The following ANOS1 variants were observed in gnomAD, a reference collection of about 807,000 sequenced individuals.
ANOS1 encodes anosmin-1.
A neutral mutation model predicts 59.0 loss-of-function variants in ANOS1; 6 were observed. That is an observed-to-expected ratio of 0.10 (90% CI 0.06 to 0.20). ANOS1 has a LOEUF of 0.20. Ranked by LOEUF, ANOS1 falls within the 10% of genes least tolerant of loss-of-function variation. The probability of loss-of-function intolerance (pLI) is 1.00; values close to 1 mark genes in which losing one functional copy is unlikely to be tolerated. For missense variants in ANOS1, 433 were observed against 542.3 expected (o/e 0.80, Z 2.00); for synonymous variants, 217 against 223.4 (o/e 0.97, Z 0.25).
At chrX:8,649,767 C>T (rs1931820674) in intron 2 of ANOS1, among the ~76,000 whole-genome samples, 2 of 111,702 alleles carry the variant, frequency 1.8e-5, no homozygotes, top group Admixed American at 9.5e-5. Context: ...CAAGTCCCAT[C>T]CACTTCTCAG....
At chrX:8,643,563 T>C (rs1440428948) in intron 2 of ANOS1, among the ~76,000 whole-genome samples, 1 of 111,650 alleles carries the variant, frequency 9.0e-6, no homozygotes, top group Non-Finnish European at 1.9e-5. Context: ...AGGAAGAAAA[T>C]CAAAATATTT....
chrX:8,590,243 G>C (rs781303199), intron 4 of ANOS1, among the ~76,000 whole-genome samples: 2 of 111,623 alleles, frequency 1.8e-5, no homozygotes, highest in South Asian at 7.5e-4. Context: ...TCTATCTCCT[G>C]GTACATCTTT....
At chrX:8,591,359 A>G (rs1473345799) in intron 4 of ANOS1, among the ~76,000 whole-genome samples, 2 of 111,651 alleles carry the variant, frequency 1.8e-5, no homozygotes, top group Non-Finnish European at 3.8e-5. Flanking sequence ...AAACTCATAG[A>G]GCACATTCTC....
At chrX:8,694,165 C>A (rs774404500) in intron 2 of ANOS1, among the ~76,000 whole-genome samples, 49 of 111,901 alleles carry the variant, frequency 4.4e-4, no homozygotes, top group Non-Finnish European at 8.3e-4. Context: ...ATAGTAGATG[C>A]TCAGTGAGTA....
At chrX:8,635,425 G>A (rs1224542081) in intron 2 of ANOS1, among the ~76,000 whole-genome samples, 1 of 111,667 alleles carries the variant, frequency 9.0e-6, no homozygotes, top group Non-Finnish European at 1.9e-5. Context: ...AAAGTCCAAT[G>A]AAGGAAAACT....
intron 9 of ANOS1, among the ~76,000 whole-genome samples, chrX:8,542,778 G>A (rs1277506495): frequency 9.1e-6 from 1 of 109,758 alleles, no homozygotes; most frequent in African/African-American, 3.3e-5. Context: ...CTTGCACTCT[G>A]CTTCCCTATT....
chrX:8,709,718 G>T (rs983848615), intron 1 of ANOS1, among the ~76,000 whole-genome samples: 4 of 111,846 alleles, frequency 3.6e-5, no homozygotes, highest in African/African-American at 1.3e-4. Context: ...TGTAGGTGTT[G>T]TGTTCTTAAT....
intron 8 of ANOS1, among the ~76,000 whole-genome samples, chrX:8,567,007 C>A (rs987186775): frequency 8.9e-6 from 1 of 111,739 alleles, no homozygotes; most frequent in Non-Finnish European, 1.9e-5. Context: ...CCTAAAAAAT[C>A]AACATCGGAG....
intron 2 of ANOS1, among the ~76,000 whole-genome samples, chrX:8,642,966 T>C (rs886248592): frequency 2.8e-4 from 31 of 112,587 alleles, no homozygotes; most frequent in African/African-American, 8.7e-4. Flanking sequence ...GAACTTTCAA[T>C]GCCTCCTCTT....
chrX:8,634,006 C>T (rs944549785), intron 2 of ANOS1, among the ~76,000 whole-genome samples: 1 of 111,300 alleles, frequency 9.0e-6, no homozygotes, highest in South Asian at 3.8e-4. Flanking sequence ...AAATATAAAC[C>T]GTAGATTAGA....
intron 5 of ANOS1, among the ~76,000 whole-genome samples, chrX:8,587,334 A>G (rs1439937218): frequency 1.8e-5 from 2 of 111,816 alleles, no homozygotes; most frequent in Non-Finnish European, 3.8e-5. Flanking sequence ...GCTATGTCCC[A>G]CTAAGTAATT....
intron 5 of ANOS1, among the ~76,000 whole-genome samples, chrX:8,587,131 T>TG (rs749868928): frequency 0.058 from 5,508 of 95,086 alleles, 170 homozygotes; most frequent in Admixed American, 0.11. Context: ...TGTGTGTGTG[T>TG]GTGGGGGGGT....
At chrX:8,592,498 T>G (rs911488549) in intron 4 of ANOS1, among the ~76,000 whole-genome samples, 4 of 112,140 alleles carry the variant, frequency 3.6e-5, no homozygotes, top group Non-Finnish European at 7.5e-5. Flanking sequence ...TCTTTACGTT[T>G]GTAAAATTTT....
At chrX:8,667,341 T>C (rs144754250) in intron 2 of ANOS1, among the ~76,000 whole-genome samples, 1,578 of 110,503 alleles carry the variant, frequency 0.014, 31 homozygotes, top group African/African-American at 0.049. Context: ...TTGGTTGTTT[T>C]CTTGAGACAG....
chrX:8,663,070 G>A (rs1318965426), intron 2 of ANOS1, among the ~76,000 whole-genome samples: 3 of 111,365 alleles, frequency 2.7e-5, no homozygotes, highest in Non-Finnish European at 5.7e-5. Flanking sequence ...GGAGACATAG[G>A]AAGAACATCT....
chrX:8,571,793 G>C (rs899727498), intron 6 of ANOS1, among the ~76,000 whole-genome samples: 1 of 111,892 alleles, frequency 8.9e-6, no homozygotes, highest in Non-Finnish European at 1.9e-5. Context: ...TTTACAGAGG[G>C]TTTCATTTCA....
chrX:8,667,106 C>G (rs759455484), intron 2 of ANOS1, among the ~76,000 whole-genome samples: 1 of 111,621 alleles, frequency 9.0e-6, no homozygotes, highest in Non-Finnish European at 1.9e-5. Context: ...CCTCCTGATG[C>G]TTTCACCCAA....
intron 13 of ANOS1, among the ~76,000 whole-genome samples, chrX:8,533,496 T>C (rs1440396679): frequency 2.1e-4 from 24 of 112,307 alleles, no homozygotes; most frequent in Non-Finnish European, 4.1e-4. Context: ...CATACCAAGT[T>C]ATCAATTATA....
intron 2 of ANOS1, among the ~76,000 whole-genome samples, chrX:8,669,152 T>G (rs1419110619): frequency 9.0e-6 from 1 of 111,477 alleles, no homozygotes; most frequent in Non-Finnish European, 1.9e-5. Context: ...TCATTGTGGC[T>G]AAGCGGAAAT....
Sources: gnomAD v4.1 joint callset for allele counts (sites outside exome capture counted in the v4.1 genomes callset) on GRCh38, gnomAD v4.1.1 for gene constraint, MANE v1.5 for transcripts, NCBI Gene and HGNC (gene_info 2026-07-23, HGNC 2026-07-21) for gene names.